The following R3HDM2 variants were observed in gnomAD, a reference collection of about 807,000 sequenced individuals.
R3HDM2 encodes R3H domain-containing protein 2.
Under a neutral mutation model 124.5 loss-of-function variants are expected in R3HDM2, and 38 were observed. The observed-to-expected ratio is 0.31, with a 90% CI of 0.24 to 0.40. R3HDM2 has a LOEUF of 0.40. R3HDM2 is among the 10% of genes least tolerant of loss of function. The probability of loss-of-function intolerance (pLI) is 1.00; values close to 1 mark genes in which losing one functional copy is unlikely to be tolerated. For synonymous variants in R3HDM2, 391 were observed against 448.0 expected, an observed-to-expected ratio of 0.87 and a Z score of 1.61; for missense variants, 869 against 1,236.9, an observed-to-expected ratio of 0.70 and a Z score of 4.46.
rs537827203 is a variant in R3HDM2 at position 57,367,246 on chromosome 12, A to G, written c.-36+28503T>C. 3.3e-5 allele frequency among the ~76,000 whole-genome samples: 5 copies of G among 152,294 alleles called. No homozygotes were observed. The East Asian group carries it at 9.6e-4, about 29-fold the overall frequency. ...CAGAAGTCTTTCTCTGGCCTTGAGT[A>G]GTTTCCTCATACCAGTGAACTAAAG... On this transcript the variant is annotated intron_variant, in intron 2 of 23. Transcript: ENST00000402412.
At chr12:57,345,161 A>G (rs1350705033) in intron 2 of R3HDM2, among the ~76,000 whole-genome samples, 1 of 152,084 alleles carries the variant, frequency 6.6e-6, no homozygotes, top group East Asian at 1.9e-4. Context: ...TGGGGGAAAA[A>G]AAAACCAGAT....
At chr12:57,417,817 TTATC>T (rs2069797138) in intron 1 of R3HDM2, among the ~76,000 whole-genome samples, 1 of 152,138 alleles carries the variant, frequency 6.6e-6, no homozygotes, top group African/African-American at 2.4e-5. Context: ...TATTACTGGG[TTATC>T]TGTCAGGAAT....
At chr12:57,335,604 C>T (rs2058755933) in intron 2 of R3HDM2, among the ~76,000 whole-genome samples, 1 of 150,402 alleles carries the variant, frequency 6.6e-6, no homozygotes. Flanking sequence ...CTCAACCAAT[C>T]CTCCTGCCTC....
rs533738804 is a variant in R3HDM2 at position 57,387,991 on chromosome 12, T to C, written c.-36+7758A>G. On this transcript the variant is annotated intron_variant, in intron 2 of 23. Transcript: ENST00000402412. ...ATTTTTTTTTTTTAAAAAGACAAAGTCTTGCTCTTGTCCCCCAGGTGGGAG... is the reference window on the plus strand; with the variant it reads ...ATTTTTTTTTTTTAAAAAGACAAAGCCTTGCTCTTGTCCCCCAGGTGGGAG... Among the ~76,000 whole-genome samples, 4 of 150,598 alleles carry C rather than the reference T, an allele frequency of 2.7e-5. No individual in the cohort carries two copies. In the South Asian group the frequency reaches 6.3e-4, roughly 24 times the overall value.
intron 2 of R3HDM2, among the ~76,000 whole-genome samples, chr12:57,385,285 C>T (rs2065554905): frequency 1.3e-5 from 2 of 149,812 alleles, no homozygotes. Flanking sequence ...CTCTGTCGCC[C>T]AGGCTGGAGT....
intron 1 of R3HDM2, among the ~76,000 whole-genome samples, chr12:57,428,502 TGTGGTGGGGGGC>T (rs1231134965): frequency 8.9e-5 from 3 of 33,748 alleles, no homozygotes; most frequent in Non-Finnish European, 1.5e-4. Context: ...TGGTGGGGGG[TGTGGTGGGGGGC>T]GTGGTGGGGG....
intron 2 of R3HDM2, among the ~76,000 whole-genome samples, chr12:57,359,157 T>C (rs1021749838): frequency 3.3e-5 from 5 of 152,080 alleles, no homozygotes; most frequent in Admixed American, 6.6e-5. Context: ...CCTCAAATGA[T>C]CCAACCACCT....
chr12:57,313,357 C>T (rs2139172525), intron 2 of R3HDM2, among the ~76,000 whole-genome samples: 1 of 152,044 alleles, frequency 6.6e-6, no homozygotes, highest in Non-Finnish European at 1.5e-5. Context: ...CCCAGGAGTT[C>T]TAGACTAGCC....
intron 3 of R3HDM2, among the ~76,000 whole-genome samples, chr12:57,306,877 T>C (rs1474078965): frequency 6.6e-6 from 1 of 152,128 alleles, no homozygotes; most frequent in Admixed American, 6.5e-5. Flanking sequence ...TAGCCAGGCA[T>C]GGTGGCACGC....
intron 18 of R3HDM2, among the ~76,000 whole-genome samples, chr12:57,267,733 C>T (rs1182907824): frequency 6.6e-6 from 1 of 152,118 alleles, no homozygotes; most frequent in Non-Finnish European, 1.5e-5. Context: ...GTTCTTGTTC[C>T]ACCTCTGCCT....
intron 17 of R3HDM2, 122 bp from the exon 18 acceptor site, chr12:57,268,579 T>G: frequency 9.6e-7 from 1 of 1,041,424 alleles, no homozygotes; most frequent in Admixed American, 2.4e-5. Flanking sequence ...ATCCTCCTCC[T>G]GTTTTCCCCA....
chr12:57,386,757 C>G (rs555957275), intron 2 of R3HDM2, among the ~76,000 whole-genome samples: 85 of 152,202 alleles, frequency 5.6e-4, no homozygotes, highest in Non-Finnish European at 8.4e-4. Context: ...CTTGGAGAAT[C>G]TTTATGTCTA....
intron 2 of R3HDM2, among the ~76,000 whole-genome samples, chr12:57,370,505 T>C (rs536227608): frequency 2.7e-5 from 4 of 149,644 alleles, no homozygotes; most frequent in African/African-American, 9.8e-5. Flanking sequence ...CCAGGCATGG[T>C]GGTGCATGCC....
chr12:57,305,503 T>C (rs1401107284), intron 3 of R3HDM2: 1 of 391,868 alleles, frequency 2.6e-6, no homozygotes, highest in African/African-American at 2.1e-5. Flanking sequence ...CAATTTAGAC[T>C]CTTACCAACA....
chr12:57,394,784 A>G (rs1566474739), intron 2 of R3HDM2, among the ~76,000 whole-genome samples: 1 of 152,236 alleles, frequency 6.6e-6, no homozygotes, highest in Non-Finnish European at 1.5e-5. Context: ...TCAAGCGGGA[A>G]GAAATCATGA....
At chr12:57,348,722 GAGA>G (rs1335180149) in intron 2 of R3HDM2, among the ~76,000 whole-genome samples, 2 of 38,728 alleles carry the variant, frequency 5.2e-5, no homozygotes, top group Admixed American at 2.7e-4. Flanking sequence ...AAAAAAAAAA[GAGA>G]GAGAAAAATT....
At chr12:57,349,149 G>A (rs1219089538) in intron 2 of R3HDM2, among the ~76,000 whole-genome samples, 2 of 151,986 alleles carry the variant, frequency 1.3e-5, no homozygotes, top group Non-Finnish European at 2.9e-5. Flanking sequence ...GGGAGGCTGA[G>A]GCGGGCAGAT....
intron 2 of R3HDM2, among the ~76,000 whole-genome samples, chr12:57,390,917 CAG>C (rs1014281348): frequency 1.3e-5 from 2 of 150,904 alleles, no homozygotes; most frequent in Admixed American, 1.3e-4. Flanking sequence ...GAGCCTGAGA[CAG>C]AAGAATCACT....
At chr12:57,377,249 G>T (rs1322433081) in intron 2 of R3HDM2, among the ~76,000 whole-genome samples, 2 of 151,932 alleles carry the variant, frequency 1.3e-5, no homozygotes, top group African/African-American at 4.8e-5. Context: ...TCTTGAGTTT[G>T]CAAGATAGCA....
Sources: gnomAD v4.1 joint callset for allele counts (sites outside exome capture counted in the v4.1 genomes callset) on GRCh38, gnomAD v4.1.1 for gene constraint, MANE v1.5 for transcripts, NCBI Gene and HGNC (gene_info 2026-07-23, HGNC 2026-07-21) for gene names.